Variants in CGNL1 observed in about 807,000 individuals in gnomAD.
The protein encoded by CGNL1 is cingulin like 1, also known as cingulin-like protein 1.
A neutral mutation model predicts 141.2 loss-of-function variants in CGNL1; 132 were observed. The ratio of observed to expected loss-of-function variants is 0.93; its 90% confidence interval spans 0.81 to 1.08. CGNL1 has a LOEUF of 1.08. Ranked by LOEUF, CGNL1 falls within the 50% of genes least tolerant of loss-of-function variation. The pLI is 0.00. For missense variants in CGNL1, 1,870 were observed against 1,588.6 expected (o/e 1.18, Z -3.01); for synonymous variants, 690 against 622.1 (o/e 1.11, Z -1.63).
At chr15:57,441,133 C>A (rs1460745775) in intron 3 of CGNL1, among the ~76,000 whole-genome samples, 1 of 151,270 alleles carries the variant, frequency 6.6e-6, no homozygotes, top group Non-Finnish European at 1.5e-5. Context: ...TTGGCAAATC[C>A]TCATTGGTAT....
At chr15:57,510,534 C>A (rs2030192585) in intron 8 of CGNL1, among the ~76,000 whole-genome samples, 1 of 152,178 alleles carries the variant, frequency 6.6e-6, no homozygotes, top group Admixed American at 6.5e-5. Context: ...GAGTGCTTGG[C>A]AAAGTCACAG....
chr15:57,442,182 G>GGAAAAAAAAAAAAA lies in CGNL1; in HGVS notation c.1698-191_1698-190insGAAAAAAAAAAAAA, dbSNP rs1491455852. The stretch of plus-strand genomic sequence containing the variant: ...TTGAGTGGTAACACATCATTTATTT[G>GGAAAAAAAAAAAAA]AAAAAAAAAAAAAAAAAAAAAGACA... On this transcript the variant is annotated intron_variant, in intron 3 of 18. Transcript: ENST00000281282. Among the ~76,000 whole-genome samples, 67 of 96,500 alleles carry GGAAAAAAAAAAAAA rather than the reference G, an allele frequency of 6.9e-4. 2 individuals carry two copies. The highest frequency in any genetic ancestry group is 2.5e-3 in the East Asian group (7 of 2,810). The allele number at this position is 96,500 out of a possible 152,430, so 63.3% of individuals were successfully genotyped here. A position where few individuals can be genotyped will look rare whatever the true frequency, so the allele number is the denominator to read the frequency against.
intron 14 of CGNL1, among the ~76,000 whole-genome samples, chr15:57,534,777 A>G (rs1179216208): frequency 6.6e-6 from 1 of 152,238 alleles, no homozygotes; most frequent in Non-Finnish European, 1.5e-5. Context: ...CCCAAGTAAT[A>G]ACATCGGCCC....
chr15:57,470,256 C>CTCTTTTTTTTTTTT (rs758575367), intron 8 of CGNL1, among the ~76,000 whole-genome samples: 1 of 113,998 alleles, frequency 8.8e-6, no homozygotes, highest in African/African-American at 3.5e-5. Context: ...TTTTGTCTCT[C>CTCTTTTTTTTTTTT]TTTTTTTTTT....
At chr15:57,487,650 T>A (rs1347706267) in intron 8 of CGNL1, among the ~76,000 whole-genome samples, 1 of 152,216 alleles carries the variant, frequency 6.6e-6, no homozygotes, top group African/African-American at 2.4e-5. Flanking sequence ...CAGAACCAAG[T>A]GATTAGAATT....
intron 1 of CGNL1, among the ~76,000 whole-genome samples, chr15:57,414,518 C>T (rs1402960958): frequency 6.6e-6 from 1 of 152,160 alleles, no homozygotes; most frequent in Non-Finnish European, 1.5e-5. Flanking sequence ...TGGAGTTGTT[C>T]TGGGTTCAAG....
intron 14 of CGNL1, among the ~76,000 whole-genome samples, chr15:57,542,486 T>A (rs1176633918): frequency 6.6e-6 from 1 of 152,320 alleles, no homozygotes; most frequent in East Asian, 1.9e-4. Context: ...GAGATGCTGA[T>A]GGTCAGGCGA....
intron 10 of CGNL1, among the ~76,000 whole-genome samples, chr15:57,522,609 C>G (rs1446408130): frequency 1.3e-5 from 2 of 152,162 alleles, no homozygotes; most frequent in African/African-American, 4.8e-5. Flanking sequence ...TCTTATTATC[C>G]TTGTACCTAT....
chr15:57,533,883 G>A (rs2032100991), intron 14 of CGNL1, among the ~76,000 whole-genome samples: 1 of 152,226 alleles, frequency 6.6e-6, no homozygotes, highest in South Asian at 2.1e-4. Flanking sequence ...CTTGAAGTAA[G>A]TCCAGGGAGG....
chr15:57,490,002 T>G (rs2063836414), intron 8 of CGNL1, among the ~76,000 whole-genome samples: 1 of 152,212 alleles, frequency 6.6e-6, no homozygotes, highest in Non-Finnish European at 1.5e-5. Context: ...TCAACCCTGC[T>G]TTGTGTGCAG....
chr15:57,522,479 G>A (rs1169976373), intron 10 of CGNL1, among the ~76,000 whole-genome samples: 2 of 152,206 alleles, frequency 1.3e-5, no homozygotes, highest in African/African-American at 4.8e-5. Flanking sequence ...AGGGACACAA[G>A]ACTGGGTAGG....
chr15:57,499,160 T>A (rs1350793419), intron 8 of CGNL1, among the ~76,000 whole-genome samples: 1 of 149,642 alleles, frequency 6.7e-6, no homozygotes, highest in East Asian at 2.0e-4. Flanking sequence ...CAGCTTGGAG[T>A]CGCATGGCAG....
At chr15:57,407,855 T>G (rs1455089689) in intron 1 of CGNL1, among the ~76,000 whole-genome samples, 1 of 151,688 alleles carries the variant, frequency 6.6e-6, no homozygotes, top group Non-Finnish European at 1.5e-5. Flanking sequence ...TTCAAGTGAT[T>G]CTCCTGCCCC....
chr15:57,486,113 G>C (rs2152369576), intron 8 of CGNL1, among the ~76,000 whole-genome samples: 1 of 152,286 alleles, frequency 6.6e-6, no homozygotes, highest in Non-Finnish European at 1.5e-5. Context: ...GTGGTGACCT[G>C]TGGAATCAGC....
rs1294155280 is a variant in CGNL1, at chr15:57,451,532, A to G, written c.1836A>G (p.Leu612=). 6 of 1,613,242 alleles carry G rather than the reference A, an allele frequency of 3.7e-6. No homozygotes were observed. Among genetic ancestry groups the G allele is most frequent in the African/African-American group, 2.7e-5 (2 of 75,022 alleles). ...ATTCCACATCTGAAGTCAAAGATCT[A>G]TTGGAACAGAAAAGCAAGTTGACCA... The part of the protein sequence containing the change: ...ACNSTSEVKD[L]LEQKSKLTIE... Residue 612 remains leucine (L), a synonymous_variant, in exon 5 of 19, where the codon CTA becomes CTG. Coordinates refer to ENST00000281282, the MANE Select transcript of CGNL1 (RefSeq NM_032866.5).
At chr15:57,450,072 C>T (rs185659608) in intron 4 of CGNL1, among the ~76,000 whole-genome samples, 126 of 152,220 alleles carry the variant, frequency 8.3e-4, no homozygotes, top group African/African-American at 2.9e-3. Flanking sequence ...GGGTAAACAC[C>T]CAGAGGGCAG....
intron 8 of CGNL1, among the ~76,000 whole-genome samples, chr15:57,505,889 G>A (rs1478762001): frequency 6.6e-6 from 1 of 152,170 alleles, no homozygotes; most frequent in East Asian, 1.9e-4. Context: ...TTATAATTCA[G>A]GAGAGACCCT....
chr15:57,478,847 C>A (rs2063689449), intron 8 of CGNL1, among the ~76,000 whole-genome samples: 4 of 152,122 alleles, frequency 2.6e-5, no homozygotes, highest in Admixed American at 2.6e-4. Flanking sequence ...CCGTGTTGCT[C>A]ATGTTGGTAT....
At chr15:57,521,856 T>G (rs2140127248) in intron 10 of CGNL1, among the ~76,000 whole-genome samples, 1 of 151,950 alleles carries the variant, frequency 6.6e-6, no homozygotes, top group African/African-American at 2.4e-5. Context: ...GGGATTCCTT[T>G]GGGGAGGGGG....
Sources: allele counts gnomAD v4.1 joint callset (sites outside exome capture counted in the v4.1 genomes callset), GRCh38; gene constraint gnomAD v4.1.1; transcripts MANE v1.5; gene names NCBI Gene and HGNC (gene_info 2026-07-23, HGNC 2026-07-21).